Variants in CTPS2 observed in about 807,000 individuals in gnomAD.
CTPS2 encodes CTP synthase 2, also known as CTP synthase II.
A neutral mutation model predicts 46.8 loss-of-function variants in CTPS2; 19 were observed. The ratio of observed to expected loss-of-function variants is 0.41; its 90% CI spans 0.28 to 0.60. CTPS2 has a LOEUF of 0.60. Ranked by LOEUF, CTPS2 falls within the 20% of genes least tolerant of loss-of-function variation. The pLI, the probability that CTPS2 is intolerant of heterozygous loss-of-function variation, is 0.35. For missense variants in CTPS2, 286 were observed against 447.6 expected, an observed-to-expected ratio of 0.64 and a Z score of 3.26; for synonymous variants, 151 against 165.2, an observed-to-expected ratio of 0.91 and a Z score of 0.66.
At chrX:16,659,675 C>G (rs1932899513) in intron 13 of CTPS2, among the ~76,000 whole-genome samples, 2 of 111,068 alleles carry the variant, frequency 1.8e-5, no homozygotes, top group African/African-American at 6.6e-5. Context: ...ATGTTTTCAT[C>G]TCTGTATACA....
intron 16 of CTPS2, among the ~76,000 whole-genome samples, chrX:16,614,286 A>G (rs1454712511): frequency 8.9e-6 from 1 of 111,967 alleles, no homozygotes; most frequent in Non-Finnish European, 1.9e-5. Flanking sequence ...ATGTCAATCA[A>G]TAGTGGCAAG....
At chrX:16,699,993 C>T (rs1011881205) in intron 2 of CTPS2, among the ~76,000 whole-genome samples, 12 of 104,115 alleles carry the variant, frequency 1.2e-4, no homozygotes, top group Admixed American at 6.3e-4. Flanking sequence ...AGTGCAGTGG[C>T]GTGATCTCAG....
chrX:16,695,882 G>A (rs1041437358), intron 4 of CTPS2, among the ~76,000 whole-genome samples: 3 of 107,932 alleles, frequency 2.8e-5, no homozygotes, highest in Non-Finnish European at 5.7e-5. Flanking sequence ...ACAGAGTCTC[G>A]CTCTGCCACC....
chrX:16,666,907 CT>C (rs1921232808), intron 13 of CTPS2, among the ~76,000 whole-genome samples: 1 of 111,224 alleles, frequency 9.0e-6, no homozygotes, highest in African/African-American at 3.3e-5. Context: ...GACAGGACAG[CT>C]CATTTATTTA....
chrX:16,695,393 T>A (rs1447365230), intron 4 of CTPS2, among the ~76,000 whole-genome samples: 1 of 111,528 alleles, frequency 9.0e-6, no homozygotes, highest in East Asian at 2.8e-4. Context: ...CTGGAATAGT[T>A]TGAAGTTAAC....
chrX:16,675,333 A>T (rs1286885107), intron 10 of CTPS2, among the ~76,000 whole-genome samples: 1 of 111,322 alleles, frequency 9.0e-6, no homozygotes, highest in Non-Finnish European at 1.9e-5. Flanking sequence ...CTTATGGTCA[A>T]ACTAAAATTG....
chrX:16,655,448 A>G (rs1932794639), intron 13 of CTPS2, among the ~76,000 whole-genome samples: 1 of 112,020 alleles, frequency 8.9e-6, no homozygotes, highest in South Asian at 3.8e-4. Flanking sequence ...TGAAGTGACA[A>G]CAGTGTGGAA....
At chrX:16,650,892 T>C (rs1271009274) in intron 13 of CTPS2, 4 of 632,302 alleles carry the variant, frequency 6.3e-6, no homozygotes, top group African/African-American at 4.5e-5. Context: ...TTCTTCCCCA[T>C]TTATGCCAAG....
chrX:16,607,745 A>T (rs1284411869), intron 17 of CTPS2, among the ~76,000 whole-genome samples: 1 of 112,904 alleles, frequency 8.9e-6, no homozygotes, highest in Non-Finnish European at 1.9e-5. Flanking sequence ...TGCCAGAATG[A>T]GGGTTGGCAG....
rs34210288 is a variant in CTPS2 at position 16,670,713 on chromosome X, A to ATT, written c.1095-41_1095-40dup. On this transcript the variant is annotated intron_variant, in intron 10 of 18. Coordinates refer to ENST00000359276, the MANE Select transcript of CTPS2 (RefSeq NM_175859.3). ...AAAATGAGGGTAAACTTGACTATCC[A>ATT]TTTTTTTTTTAAACTAGTGTATTCA... 23 of 943,279 alleles carry ATT rather than the reference A, an allele frequency of 2.4e-5. No homozygotes were observed. The African/African-American group carries it at 3.3e-4, about 13-fold the overall frequency. 77.7% of individuals were successfully genotyped at this position (943,279 alleles called of 1,213,427 possible). A position where few individuals can be genotyped will look rare whatever the true frequency, so the allele number is the denominator to read the frequency against.
intron 4 of CTPS2, among the ~76,000 whole-genome samples, chrX:16,697,001 A>C (rs62585700): frequency 0.55 from 60,850 of 110,164 alleles, 13,756 homozygotes; most frequent in African/African-American, 0.86. Flanking sequence ...CATCTTAATA[A>C]TAGCTAATAA....
chrX:16,657,319 G>A (rs2147276499), intron 13 of CTPS2, among the ~76,000 whole-genome samples: 1 of 106,578 alleles, frequency 9.4e-6, no homozygotes, highest in South Asian at 4.2e-4. Context: ...ACGTACCCAT[G>A]CTCCCACCTC....
At chrX:16,593,245 C>T (rs780203753) in intron 17 of CTPS2, among the ~76,000 whole-genome samples, 9 of 110,456 alleles carry the variant, frequency 8.1e-5, no homozygotes, top group East Asian at 5.7e-4. Context: ...CTGGCTAACA[C>T]GGTGAAACCC....
chrX:16,709,421 G>A (rs62585736), intron 1 of CTPS2, among the ~76,000 whole-genome samples: 1 of 100,858 alleles, frequency 9.9e-6, no homozygotes, highest in Non-Finnish European at 2.0e-5. Flanking sequence ...AAGTAAAACC[G>A]TGTCTCAAAA....
intron 14 of CTPS2, among the ~76,000 whole-genome samples, chrX:16,622,088 T>C (rs913009160): frequency 9.0e-6 from 1 of 110,820 alleles, no homozygotes; most frequent in East Asian, 2.8e-4. Context: ...TAAAGCACAA[T>C]AACATACAGT....
chrX:16,630,673 C>T (rs1394265856), intron 14 of CTPS2, among the ~76,000 whole-genome samples: 1 of 111,776 alleles, frequency 8.9e-6, no homozygotes, highest in Non-Finnish European at 1.9e-5. Context: ...TGTGGGTCTT[C>T]TCTGCACCCT....
At chrX:16,689,415 T>G in intron 8 of CTPS2, 35 bp downstream of exon 8, 1 of 1,189,876 alleles carries the variant, frequency 8.4e-7, no homozygotes. Flanking sequence ...ACTCAAAAAT[T>G]ATTAAAGATT....
At chrX:16,618,036 A>C (rs1354691150) in intron 15 of CTPS2, among the ~76,000 whole-genome samples, 1 of 111,804 alleles carries the variant, frequency 8.9e-6, no homozygotes, top group Non-Finnish European at 1.9e-5. Flanking sequence ...GAGGTGTACA[A>C]CCATTACCAC....
chrX:16,689,093 T>C (rs1465309045), intron 8 of CTPS2, among the ~76,000 whole-genome samples: 1 of 110,147 alleles, frequency 9.1e-6, no homozygotes, highest in African/African-American at 3.3e-5. Context: ...AGCAAGACTC[T>C]CAAAAAAGAA....
Sources: allele counts gnomAD v4.1 joint callset (sites outside exome capture counted in the v4.1 genomes callset), GRCh38; gene constraint gnomAD v4.1.1; transcripts MANE v1.5; gene names NCBI Gene and HGNC (gene_info 2026-07-23, HGNC 2026-07-21).